The following ISM1 variants were observed in gnomAD, a reference collection of about 807,000 sequenced individuals.
ISM1 encodes the protein isthmin-1.
Under a neutral mutation model 46.3 loss-of-function variants are expected in ISM1, and 25 were observed. That is an observed-to-expected ratio of 0.54 (90% CI 0.39 to 0.75). The LOEUF (loss-of-function observed/expected upper bound fraction) is 0.75. Among genes scored for constraint, ISM1 ranks in the 30% least tolerant of loss-of-function variants. The pLI is 0.00. For missense variants in ISM1, 536 were observed against 625.4 expected (o/e 0.86, Z 1.52); for synonymous variants, 255 against 256.7 (o/e 0.99, Z 0.06).
At chr20:13,283,452 T>C (rs1568685644) in intron 3 of ISM1, among the ~76,000 whole-genome samples, 1 of 152,174 alleles carries the variant, frequency 6.6e-6, no homozygotes, top group Non-Finnish European at 1.5e-5. Flanking sequence ...TAAGAATTTA[T>C]ATATTTGTCC....
chr20:13,295,726 G>T lies in ISM1; in HGVS notation c.878-3216G>T, dbSNP rs570959600. On this transcript the variant is annotated intron_variant, in intron 5 of 5. Transcript: ENST00000262487. Reference sequence around the variant, plus strand: ...CCTACAAAAGAAGAAAGGAAGGCAGGCTCAGCCATGCTGACTGGGAATCCC... The same window carrying T: ...CCTACAAAAGAAGAAAGGAAGGCAGTCTCAGCCATGCTGACTGGGAATCCC... 3.0e-4 allele frequency among the ~76,000 whole-genome samples: 45 copies of T among 152,352 alleles called. 1 individual carries two copies. The South Asian group carries it at 9.1e-3, about 31-fold the overall frequency.
intron 5 of ISM1, among the ~76,000 whole-genome samples, chr20:13,293,061 A>G (rs2040369956): frequency 6.6e-6 from 1 of 151,992 alleles, no homozygotes; most frequent in South Asian, 2.1e-4. Flanking sequence ...TTAGCTGGGC[A>G]TGGTGGCAGG....
intron 5 of ISM1, among the ~76,000 whole-genome samples, chr20:13,296,987 T>C (rs1259624681): frequency 6.6e-6 from 1 of 152,060 alleles, no homozygotes; most frequent in Non-Finnish European, 1.5e-5. Flanking sequence ...CACTGCATTC[T>C]AGCCTGGGTG....
At position 13,260,166 on chromosome 20, in the gene ISM1, G is replaced by T. The variant is rs530110656; in HGVS notation, c.139-10338G>T. 2.0e-5 allele frequency among the ~76,000 whole-genome samples: 3 copies of T among 152,358 alleles called. No individual in the cohort carries two copies. In the East Asian group the frequency reaches 5.8e-4, roughly 29 times the overall value. On this transcript the variant is annotated intron_variant, in intron 1 of 5. Coordinates refer to ENST00000262487, the MANE Select transcript of ISM1 (RefSeq NM_080826.2). ...GTACAGGCAGGTGGCAAAGGGAACAGGTGCCGGTGGCAGGAGCTTTCTCTT... is the reference window on the plus strand; with the variant it reads ...GTACAGGCAGGTGGCAAAGGGAACATGTGCCGGTGGCAGGAGCTTTCTCTT...
At chr20:13,247,899 A>C (rs1241513316) in intron 1 of ISM1, among the ~76,000 whole-genome samples, 1 of 152,182 alleles carries the variant, frequency 6.6e-6, no homozygotes, top group African/African-American at 2.4e-5. Context: ...CTCTAACCAC[A>C]GTGCAAAAGT....
intron 5 of ISM1, among the ~76,000 whole-genome samples, chr20:13,296,297 C>T (rs1017767465): frequency 6.6e-6 from 1 of 152,158 alleles, no homozygotes; most frequent in East Asian, 1.9e-4. Context: ...ATGCACAGGG[C>T]ATTCCTAGCT....
chr20:13,252,525 C>A (rs933244880), intron 1 of ISM1, among the ~76,000 whole-genome samples: 1 of 152,004 alleles, frequency 6.6e-6, no homozygotes, highest in Non-Finnish European at 1.5e-5. Context: ...CCAAGGCAGG[C>A]GGATCATTTG....
At chr20:13,259,474 G>A (rs1438371017) in intron 1 of ISM1, among the ~76,000 whole-genome samples, 4 of 152,028 alleles carry the variant, frequency 2.6e-5, no homozygotes, top group African/African-American at 9.7e-5. Flanking sequence ...TTAAAAATGT[G>A]AATCTCATAC....
intron 1 of ISM1, among the ~76,000 whole-genome samples, chr20:13,246,601 CG>C (rs112725148): frequency 0.036 from 5,529 of 152,270 alleles, 173 homozygotes; most frequent in African/African-American, 0.077. Context: ...AGAGCAGATA[CG>C]TGTTTTTTCA....
At chr20:13,325,318 T>C in the ISM1 span, among the ~76,000 whole-genome samples, 3 of 152,196 alleles carry the variant, frequency 2.0e-5, no homozygotes, top group East Asian at 5.8e-4. Flanking sequence ...GGGAAGAAAA[T>C]CTGCAACACG....
At chr20:13,267,671 A>G (rs1284440436) in intron 1 of ISM1, among the ~76,000 whole-genome samples, 5 of 152,182 alleles carry the variant, frequency 3.3e-5, no homozygotes, top group Admixed American at 6.5e-5. Flanking sequence ...CAATCAATCA[A>G]TCAGACTTAG....
At chr20:13,268,347 CCTCTCTCTCTCTCTCTCTCTCTCTCTCT>C (rs3041816) in intron 1 of ISM1, among the ~76,000 whole-genome samples, 1,081 of 66,674 alleles carry the variant, frequency 0.016, 17 homozygotes, top group Non-Finnish European at 0.02. Context: ...CCTTCTTCTT[CCTCTCTCTCTCTCTCTCTCTCTCTCTCT>C]CTCTCTCTCT....
chr20:13,319,044 G>T, the ISM1 span, among the ~76,000 whole-genome samples: 6 of 152,176 alleles, frequency 3.9e-5, no homozygotes, highest in South Asian at 2.1e-4. Flanking sequence ...TGTCAATGTA[G>T]GTTCATCAGT....
chr20:13,316,575 A>G, the ISM1 span, among the ~76,000 whole-genome samples: 1 of 151,944 alleles, frequency 6.6e-6, no homozygotes, highest in African/African-American at 2.4e-5. Context: ...AATGGACAAA[A>G]ATAATTATGC....
intron 1 of ISM1, among the ~76,000 whole-genome samples, chr20:13,268,952 C>T (rs945542400): frequency 1.3e-5 from 2 of 152,004 alleles, no homozygotes; most frequent in Non-Finnish European, 2.9e-5. Flanking sequence ...AATAATAATC[C>T]CTTCCCTAAG....
chr20:13,242,912 C>T (rs75242791), intron 1 of ISM1, among the ~76,000 whole-genome samples: 1 of 152,122 alleles, frequency 6.6e-6, no homozygotes, highest in African/African-American at 2.4e-5. Flanking sequence ...GGGCCAGACA[C>T]TTTTTTAAGC....
At chr20:13,318,648 G>A in the ISM1 span, among the ~76,000 whole-genome samples, 6 of 152,176 alleles carry the variant, frequency 3.9e-5, no homozygotes, top group African/African-American at 1.2e-4. Flanking sequence ...ATATTCCATT[G>A]TCTGGCTATC....
the ISM1 span, among the ~76,000 whole-genome samples, chr20:13,321,253 T>TAAAAAAA: frequency 4.3e-4 from 25 of 57,510 alleles, no homozygotes; most frequent in African/African-American, 1.3e-3. Context: ...GTGCCCCACA[T>TAAAAAAA]AAAAAAAAAA....
chr20:13,316,916 T>C, the ISM1 span, among the ~76,000 whole-genome samples: 1 of 151,658 alleles, frequency 6.6e-6, no homozygotes, highest in East Asian at 1.9e-4. Flanking sequence ...TTCAACATCA[T>C]ACTACAAGTC....
Sources: gnomAD v4.1 joint callset for allele counts (sites outside exome capture counted in the v4.1 genomes callset) on GRCh38, gnomAD v4.1.1 for gene constraint, MANE v1.5 for transcripts, NCBI Gene and HGNC (gene_info 2026-07-23, HGNC 2026-07-21) for gene names.